NLRP7: variants seen among roughly 807,000 people sequenced by gnomAD.
NLRP7 encodes the protein NACHT, LRR and PYD domains-containing protein 7.
In NLRP7, 72 loss-of-function variants were observed where a neutral mutation model predicts 85.5. That is an observed-to-expected ratio of 0.84 (90% CI 0.70 to 1.02). The LOEUF (loss-of-function observed/expected upper bound fraction) is 1.02, where lower values mean the gene tolerates loss of function less well. Ranked by LOEUF, NLRP7 falls within the 50% of genes least tolerant of loss-of-function variation. NLRP7 has a pLI of 0.00. For synonymous variants in NLRP7, 550 were observed against 505.2 expected, an observed-to-expected ratio of 1.09 and a Z score of -1.19; for missense variants, 1,243 against 1,219.5, an observed-to-expected ratio of 1.02 and a Z score of -0.29.
intron 1 of NLRP7, among the ~76,000 whole-genome samples, chr19:54,964,500 GC>G (rs1248205876): frequency 1.6e-4 from 25 of 151,650 alleles, no homozygotes; most frequent in Non-Finnish European, 3.5e-4. Flanking sequence ...ACAGGCGTGA[GC>G]CACTGTGCCC....
intron 1 of NLRP7, among the ~76,000 whole-genome samples, chr19:54,957,111 TCCC>T (rs1568434646): frequency 2.0e-5 from 3 of 151,970 alleles, no homozygotes; most frequent in Non-Finnish European, 4.4e-5. Context: ...AACCTCCACC[TCCC>T]GGGTTCAAGT....
At chr19:54,925,868 C>T (rs36057638) in intron 9 of NLRP7, among the ~76,000 whole-genome samples, 10,178 of 151,680 alleles carry the variant, frequency 0.067, 342 homozygotes, top group East Asian at 0.15. Context: ...GGCGTGGTGG[C>T]GGGCGCCTGT....
chr19:54,937,369 TTTG>T (rs2068978812), intron 5 of NLRP7, among the ~76,000 whole-genome samples: 1 of 150,594 alleles, frequency 6.6e-6, no homozygotes, highest in Non-Finnish European at 1.5e-5. Flanking sequence ...TACTTTTTGG[TTTG>T]TTTTGGTAAC....
chr19:54,939,251 A>G, exon 4 of NLRP7: 1 of 1,614,078 alleles, frequency 6.2e-7, no homozygotes, highest in Non-Finnish European at 8.5e-7. Flanking sequence ...AGCGAGGCCG[A>G]ATAAGAAGTG....
At chr19:54,929,288 C>G (rs2068572905) in intron 9 of NLRP7, among the ~76,000 whole-genome samples, 1 of 152,002 alleles carries the variant, frequency 6.6e-6, no homozygotes, top group Admixed American at 6.6e-5. Context: ...TCGCTTGAAC[C>G]TTGGAGGCTG....
intron 9 of NLRP7, among the ~76,000 whole-genome samples, chr19:54,928,687 C>A (rs2068547343): frequency 6.6e-6 from 1 of 152,268 alleles, no homozygotes; most frequent in African/African-American, 2.4e-5. Flanking sequence ...AGCATGCTAA[C>A]TGGGGGAGGG....
chr19:54,933,115 C>T (rs2068745185), intron 8 of NLRP7, among the ~76,000 whole-genome samples: 1 of 151,950 alleles, frequency 6.6e-6, no homozygotes, highest in African/African-American at 2.4e-5. Context: ...CAAATATTAA[C>T]ATGTTTCTAC....
At chr19:54,938,289 G>T in intron 4 of NLRP7, 48 bp from the exon 5 acceptor site, 1 of 1,491,112 alleles carries the variant, frequency 6.7e-7, no homozygotes, top group Middle Eastern at 1.8e-4. Context: ...CCTGCATGGT[G>T]AGATGGGCAT....
At chr19:54,927,208 G>A (rs1359289833) in intron 9 of NLRP7, among the ~76,000 whole-genome samples, 2 of 151,850 alleles carry the variant, frequency 1.3e-5, no homozygotes, top group Non-Finnish European at 1.5e-5. Flanking sequence ...GGCCAACATG[G>A]TGAAACCCCT....
chr19:54,963,071 C>G (rs1013886580), intron 1 of NLRP7, among the ~76,000 whole-genome samples: 7 of 152,138 alleles, frequency 4.6e-5, no homozygotes, highest in Admixed American at 2.0e-4. Flanking sequence ...ATGGCAATCA[C>G]TACTGTGTAG....
At chr19:54,926,590 A>C (rs2068447841) in intron 9 of NLRP7, among the ~76,000 whole-genome samples, 1 of 151,778 alleles carries the variant, frequency 6.6e-6, no homozygotes, top group Non-Finnish European at 1.5e-5. Context: ...GACCAACCTG[A>C]CCAACATGGT....
chr19:54,957,747 G>C (rs1231327072), intron 1 of NLRP7, among the ~76,000 whole-genome samples: 7 of 152,236 alleles, frequency 4.6e-5, no homozygotes, highest in Middle Eastern at 3.4e-3. Context: ...ATACATAATT[G>C]AATCTGGTTT....
At chr19:54,924,050 C>A (rs2068332622) in intron 9 of NLRP7, among the ~76,000 whole-genome samples, 178 bp from the exon 11 acceptor site, 1 of 152,172 alleles carries the variant, frequency 6.6e-6, no homozygotes, top group African/African-American at 2.4e-5. Flanking sequence ...TCTCTGCAAC[C>A]TCCAGCTCCC....
At chr19:54,951,440 G>C (rs1432192035), upstream of NLRP7, among the ~76,000 whole-genome samples, 2 of 151,938 alleles carry the variant, frequency 1.3e-5, no homozygotes, top group Admixed American at 6.6e-5. Context: ...CCAGCTACTC[G>C]AGAGGCTGAG....
intron 6 of NLRP7, among the ~76,000 whole-genome samples, chr19:54,935,276 C>T (rs1340911546): frequency 6.6e-6 from 1 of 151,908 alleles, no homozygotes; most frequent in East Asian, 1.9e-4. Flanking sequence ...GTTGCCCAGG[C>T]TGGAGTGCAG....
chr19:54,926,501 C>T (rs370574319), intron 9 of NLRP7, among the ~76,000 whole-genome samples: 4 of 152,090 alleles, frequency 2.6e-5, no homozygotes, highest in East Asian at 1.9e-4. Flanking sequence ...ATCCCAGGGC[C>T]GAGCACAGTG....
upstream of NLRP7, among the ~76,000 whole-genome samples, chr19:54,948,249 G>A (rs984803632): frequency 3.3e-5 from 5 of 152,144 alleles, no homozygotes; most frequent in African/African-American, 1.2e-4. Flanking sequence ...GCCAGGTGTG[G>A]TGGCAGGTGC....
At chr19:54,939,303 C>T (rs1250667222) in exon 4 of NLRP7, 3 of 1,614,108 alleles carry the variant, frequency 1.9e-6, no homozygotes, top group Non-Finnish European at 2.5e-6. Flanking sequence ...CTTTCTTCTC[C>T]GGAAAGCAGC....
intron 1 of NLRP7, among the ~76,000 whole-genome samples, chr19:54,962,305 T>C (rs2070070841): frequency 6.7e-6 from 1 of 148,214 alleles, no homozygotes; most frequent in Non-Finnish European, 1.5e-5. Flanking sequence ...TTCGCTCTTG[T>C]TGCCCAGGCT....
Sources: allele counts gnomAD v4.1 joint callset (sites outside exome capture counted in the v4.1 genomes callset), GRCh38; gene constraint gnomAD v4.1.1; transcripts MANE v1.5; gene names NCBI Gene and HGNC (gene_info 2026-07-23, HGNC 2026-07-21).